CDKL5: variants seen among roughly 807,000 people sequenced by gnomAD.
CDKL5 encodes the protein cyclin dependent kinase like 5, also known as cyclin-dependent kinase-like 5.
Under a neutral mutation model 61.7 loss-of-function variants are expected in CDKL5, and 8 were observed. The observed-to-expected ratio is 0.13, with a 90% CI of 0.08 to 0.23. The LOEUF (loss-of-function observed/expected upper bound fraction) is 0.23. CDKL5 is among the 10% of genes least tolerant of loss of function. CDKL5 has a pLI of 1.00. For synonymous variants in CDKL5, 275 were observed against 272.3 expected (o/e 1.01, Z -0.10); for missense variants, 440 against 734.5 (o/e 0.60, Z 4.63).
rs1230243414 is a variant in CDKL5, at chrX:18,628,393, G to A, written c.2519G>A (p.Arg840His). 1 of 1,211,190 alleles carries A rather than the reference G, an allele frequency of 8.3e-7. No homozygotes were observed. Among genetic ancestry groups the A allele is most frequent in the Non-Finnish European group, 1.1e-6 (1 of 895,063 alleles). ...QTQSQPLKSL[R>H]KLLHLSSASN... is the part of the protein sequence containing the mutation. ...CAGAGCCAGCCATTAAAATCACTGC[G>A]CAAGTTGTTACATCTCTCTTCGGCC... is the stretch of plus-strand genomic sequence containing the variant. The change falls in exon 18 of 18, where the codon CGC becomes CAC. Residue 840 changes from arginine (R) to histidine (H), a missense_variant. Arg to His is a conservative substitution (Grantham distance 29). Around this residue, in one of 2 missense-constraint regions of CDKL5, gnomAD observed 363 missense variants for 516.3 expected, o/e 0.70. Transcript: ENST00000623535.
intron 14 of CDKL5, among the ~76,000 whole-genome samples, 186 bp from the exon 15 acceptor site, chrX:18,612,966 A>G (rs947822463): frequency 9.2e-6 from 1 of 109,104 alleles, no homozygotes; most frequent in Non-Finnish European, 1.9e-5. Flanking sequence ...GTGGTGGTTC[A>G]TGTCTGTAAT....
chrX:18,609,362 A>G, intron 13 of CDKL5, 103 bp from the exon 14 acceptor site: 2 of 1,180,997 alleles, frequency 1.7e-6, no homozygotes, highest in South Asian at 1.9e-5. Flanking sequence ...CTACTGCACT[A>G]CAGCCTGGGC....
intron 3 of CDKL5, among the ~76,000 whole-genome samples, chrX:18,516,811 A>T (rs1202624377): frequency 1.8e-5 from 2 of 111,967 alleles, no homozygotes; most frequent in African/African-American, 6.5e-5. Flanking sequence ...ATCTCGGCTC[A>T]CTGCAACCTC....
chrX:18,524,704 A>G lies in CDKL5; in HGVS notation c.99+13850A>G, dbSNP rs1200459223. Among the ~76,000 whole-genome samples the G allele has an allele frequency of 8.9e-5, 10 of 111,964 alleles. No individual in the cohort carries two copies. In the Admixed American group the frequency reaches 9.5e-4, roughly 11 times the overall value. Reference sequence around the variant, plus strand: ...AAACTGAAGGTCACCTAGATTTTCTAGGTTATCTTCTGGAAGTTTTATACA... The same window carrying G: ...AAACTGAAGGTCACCTAGATTTTCTGGGTTATCTTCTGGAAGTTTTATACA... On this transcript the variant is annotated intron_variant, in intron 3 of 17. Coordinates refer to ENST00000623535, the MANE Select transcript of CDKL5 (RefSeq NM_001323289.2).
rs1443075888 is a variant in CDKL5, at chrX:18,634,664, C to G, written c.*5907C>G. On this transcript the variant is annotated 3_prime_UTR_variant, in exon 18 of 18. Coordinates refer to ENST00000623535, the MANE Select transcript of CDKL5 (RefSeq NM_001323289.2). ...CCTTGTTTACTCTTTGGTCACCGAT[C>G]GAGTCAGGCTAGAGGGGTAATACGG... 2.7e-6 allele frequency: 2 copies of G among 753,294 alleles called. No homozygotes were observed. Among genetic ancestry groups the G allele is most frequent in the Non-Finnish European group, 3.1e-6 (2 of 639,007 alleles). The allele number at this position is 753,294 out of a possible 1,213,427, so 62.1% of individuals were successfully genotyped here.
At position 18,630,562 on chromosome X, in the gene CDKL5, A is replaced by G; in HGVS notation, c.*1805A>G. The G allele has an allele frequency of 1.3e-6, 1 of 752,402 alleles. No homozygotes were observed. Among genetic ancestry groups the G allele is most frequent in the Non-Finnish European group, 1.6e-6 (1 of 638,304 alleles). The allele number at this position is 752,402 out of a possible 1,213,427, so 62.0% of individuals were successfully genotyped here. A position where few individuals can be genotyped will look rare whatever the true frequency, so the allele number is the denominator to read the frequency against. On this transcript the variant is annotated 3_prime_UTR_variant, in exon 18 of 18. Coordinates refer to ENST00000623535, the MANE Select transcript of CDKL5 (RefSeq NM_001323289.2). Reference sequence around the variant, plus strand: ...AATCATAGCTCTGATGATTATGAAGATTATAAAGACTAAGGTCCTAGTTTC... The same window carrying G: ...AATCATAGCTCTGATGATTATGAAGGTTATAAAGACTAAGGTCCTAGTTTC...
intron 1 of CDKL5, among the ~76,000 whole-genome samples, chrX:18,465,167 T>G (rs1448423611): frequency 1.1e-4 from 12 of 111,520 alleles, no homozygotes; most frequent in Admixed American, 9.6e-4. Context: ...CAGTGTCATT[T>G]GAAAAGATCT....
In CDKL5 at chrX:18,628,542, C is replaced by A. The variant is rs1354788122; in HGVS notation, c.2668C>A (p.Arg890=). 1 of 1,210,297 alleles carries A rather than the reference C, an allele frequency of 8.3e-7. No homozygotes were observed. Among genetic ancestry groups the A allele is most frequent in the African/African-American group, 1.7e-5 (1 of 57,313 alleles). Residue 890 remains arginine (R), a synonymous_variant, in exon 18 of 18, where the codon CGG becomes AGG. Transcript: ENST00000623535. ...SQASGGSSNI[R]QEPAPKGRPA... Reference sequence around the variant, plus strand: ...GGCCTCTGGCGGGAGCAGCAACATCCGGCAGGAACCCGCACCGAAGGGCAG... The same window carrying A: ...GGCCTCTGGCGGGAGCAGCAACATCAGGCAGGAACCCGCACCGAAGGGCAG...
intron 1 of CDKL5, among the ~76,000 whole-genome samples, chrX:18,496,382 A>G (rs1922172091): frequency 8.9e-6 from 1 of 112,014 alleles, no homozygotes; most frequent in South Asian, 3.7e-4. Flanking sequence ...AAGTCAGTAG[A>G]AAGAAATGGT....
At chrX:18,615,212 G>A (rs1926678888) in intron 15 of CDKL5, among the ~76,000 whole-genome samples, 1 of 111,579 alleles carries the variant, frequency 9.0e-6, no homozygotes, top group Non-Finnish European at 1.9e-5. Context: ...TTAACTCTTC[G>A]TGATAATGCT....
chrX:18,445,977 C>G (rs574361606), intron 1 of CDKL5, among the ~76,000 whole-genome samples: 2 of 110,044 alleles, frequency 1.8e-5, no homozygotes, highest in African/African-American at 6.6e-5. Context: ...TATGAAGAAT[C>G]TCATTTAATA....
chrX:18,450,653 C>T (rs890430881), intron 1 of CDKL5, among the ~76,000 whole-genome samples: 1 of 111,142 alleles, frequency 9.0e-6, no homozygotes, highest in African/African-American at 3.3e-5. Context: ...TGGCTCACTG[C>T]AACCTCCGCC....
At chrX:18,560,213 C>T (rs1924753300) in intron 3 of CDKL5, among the ~76,000 whole-genome samples, 2 of 111,943 alleles carry the variant, frequency 1.8e-5, no homozygotes, top group South Asian at 7.6e-4. Flanking sequence ...GCCACACTAA[C>T]TTCCACAATG....
At chrX:18,626,269 A>G (rs932070904) in intron 17 of CDKL5, among the ~76,000 whole-genome samples, 2 of 110,112 alleles carry the variant, frequency 1.8e-5, no homozygotes, top group Non-Finnish European at 3.8e-5. Context: ...GGGTTTTGCC[A>G]TGTTGCCCAG....
chrX:18,476,626 A>T (rs1921323457), intron 1 of CDKL5, among the ~76,000 whole-genome samples: 1 of 112,449 alleles, frequency 8.9e-6, no homozygotes, highest in Non-Finnish European at 1.9e-5. Context: ...TTTTTACCTT[A>T]TACTTTTAAA....
intron 3 of CDKL5, among the ~76,000 whole-genome samples, chrX:18,529,390 T>C (rs2147108014): frequency 9.0e-6 from 1 of 111,241 alleles, no homozygotes; most frequent in South Asian, 3.8e-4. Context: ...TAATAGTTAC[T>C]ATTATTATTT....
intron 6 of CDKL5, among the ~76,000 whole-genome samples, chrX:18,580,292 T>C (rs184467043): frequency 8.9e-6 from 1 of 111,844 alleles, no homozygotes; most frequent in Non-Finnish European, 1.9e-5. Context: ...TACTTGGGGA[T>C]AGGAGAAGAG....
chrX:18,628,322 A>G (rs755949488), intron 17 of CDKL5, 49 bp from the exon 18 acceptor site: 3 of 1,177,958 alleles, frequency 2.5e-6, no homozygotes, highest in Non-Finnish European at 3.5e-6. Context: ...CCCCAGCCTT[A>G]TGGTCGCTCT....
rs756223251 is a variant in CDKL5, at chrX:18,446,353, GAAA to G, written c.-163+20666_-163+20668del. ...GCAACAAGAACAAAACTCTGTCTCA[GAAA>G]AAAAAAACAAAAAAACAAAAAAACA... On this transcript the variant is annotated intron_variant, in intron 1 of 17. Transcript: ENST00000623535. 6.0e-5 allele frequency among the ~76,000 whole-genome samples: 6 copies of G among 100,195 alleles called. No homozygotes were observed. In the East Asian group the frequency reaches 1.9e-3, roughly 31 times the overall value. The allele number at this position is 100,195 out of a possible 115,157, so 87.0% of individuals were successfully genotyped here.
Sources: allele counts gnomAD v4.1 joint callset (sites outside exome capture counted in the v4.1 genomes callset), GRCh38; gene constraint gnomAD v4.1.1; regional missense constraint gnomAD v4.1.1; transcripts MANE v1.5; gene names NCBI Gene and HGNC (gene_info 2026-07-23, HGNC 2026-07-21).